The following SLC13A3 variants were observed in gnomAD, a reference collection of about 807,000 sequenced individuals.
The protein encoded by SLC13A3 is solute carrier family 13 member 3, also known as Na(+)/dicarboxylate cotransporter 3.
SLC13A3 carries 40 observed loss-of-function variants against 59.0 expected under a neutral mutation model. The observed-to-expected ratio is 0.68, with a 90% confidence interval of 0.53 to 0.88. The LOEUF is 0.88. Among genes scored for constraint, SLC13A3 ranks in the 40% least tolerant of loss-of-function variants. The pLI, the probability that SLC13A3 is intolerant of heterozygous loss-of-function variation, is 0.00. For missense variants in SLC13A3, 699 were observed against 783.2 expected, an observed-to-expected ratio of 0.89 and a Z score of 1.28; for synonymous variants, 317 against 330.3, an observed-to-expected ratio of 0.96 and a Z score of 0.44.
intron 1 of SLC13A3, among the ~76,000 whole-genome samples, chr20:46,644,292 G>A (rs1052030964): frequency 8.5e-5 from 13 of 152,138 alleles, no homozygotes; most frequent in Non-Finnish European, 1.8e-4. Flanking sequence ...ACTCCAGTAA[G>A]TGCCTCAAAC....
At chr20:46,664,394 G>A (rs944063210) in intron 1 of SLC13A3, among the ~76,000 whole-genome samples, 1 of 152,132 alleles carries the variant, frequency 6.6e-6, no homozygotes, top group Non-Finnish European at 1.5e-5. Flanking sequence ...CCTTGTCAAT[G>A]TTTACTTAAC....
intron 1 of SLC13A3, among the ~76,000 whole-genome samples, chr20:46,632,717 T>C (rs1334214278): frequency 2.0e-5 from 3 of 152,090 alleles, no homozygotes; most frequent in East Asian, 1.9e-4. Context: ...TTCAACCTCA[T>C]AGAGTTATTG....
chr20:46,634,236 G>A (rs139331458), intron 1 of SLC13A3, among the ~76,000 whole-genome samples: 1 of 152,300 alleles, frequency 6.6e-6, no homozygotes, highest in Non-Finnish European at 1.5e-5. Context: ...TATCCTCTCT[G>A]GGGGGCTAAT....
At position 46,569,510 on chromosome 20, in the gene SLC13A3, T is replaced by TGAGAG. The variant is rs200530337; in HGVS notation, c.1333-3121_1333-3120insCTCTC. 1.6e-3 allele frequency among the ~76,000 whole-genome samples: 249 copies of TGAGAG among 152,312 alleles called. No homozygotes were observed. In the East Asian group the frequency reaches 0.044, roughly 27 times the overall value. On this transcript the variant is annotated intron_variant, in intron 10 of 12. Coordinates refer to ENST00000279027, the MANE Select transcript of SLC13A3 (RefSeq NM_022829.6). ...CTAGGCAAGTCACTTAACCTCTCTGTGCTAAAATTTCCTTATCTGTAAACG... is the reference window on the plus strand; with the variant it reads ...CTAGGCAAGTCACTTAACCTCTCTGTGAGAGGCTAAAATTTCCTTATCTGTAAACG...
chr20:46,608,228 G>A (rs990574866), intron 3 of SLC13A3, among the ~76,000 whole-genome samples: 1 of 152,144 alleles, frequency 6.6e-6, no homozygotes, highest in African/African-American at 2.4e-5. Flanking sequence ...ATTTTCAAAT[G>A]GTTGAAAAAC....
chr20:46,568,572 G>C (rs750815155), intron 10 of SLC13A3, among the ~76,000 whole-genome samples: 1 of 152,272 alleles, frequency 6.6e-6, no homozygotes, highest in South Asian at 2.1e-4. Context: ...AGGTGTTTCT[G>C]GTACACCTGC....
At chr20:46,680,256 T>C (rs1486500669) in intron 1 of SLC13A3, among the ~76,000 whole-genome samples, 1 of 152,212 alleles carries the variant, frequency 6.6e-6, no homozygotes, top group African/African-American at 2.4e-5. Context: ...GCGTCTTGTC[T>C]ACCCTTAGCT....
chr20:46,617,917 C>G (rs2062577450), intron 1 of SLC13A3, among the ~76,000 whole-genome samples: 1 of 152,144 alleles, frequency 6.6e-6, no homozygotes. Context: ...CCCCATGTAT[C>G]CTGTTCTGTG....
intron 1 of SLC13A3, among the ~76,000 whole-genome samples, chr20:46,662,062 G>A (rs2063033986): frequency 6.6e-6 from 1 of 152,066 alleles, no homozygotes; most frequent in African/African-American, 2.4e-5. Context: ...AAATTTAGCT[G>A]GTTTCTTCCT....
chr20:46,569,268 G>C (rs2062009359), intron 10 of SLC13A3, among the ~76,000 whole-genome samples: 1 of 152,086 alleles, frequency 6.6e-6, no homozygotes, highest in African/African-American at 2.4e-5. Context: ...TGGGATTACA[G>C]ACATGAGCCA....
intron 7 of SLC13A3, 89 bp downstream of exon 7, chr20:46,589,071 G>GC (rs1310316607): frequency 8.9e-7 from 1 of 1,127,620 alleles, no homozygotes; most frequent in Non-Finnish European, 1.3e-6. Flanking sequence ...CTGGAGCTCA[G>GC]CCCCCATGGG....
In SLC13A3 at chr20:46,558,966, G is replaced by A. The variant is rs1019582838; in HGVS notation, c.*1056C>T. 9 of 151,912 alleles carry A rather than the reference G, an allele frequency of 5.9e-5. 1 individual carries two copies. In the East Asian group the frequency reaches 1.2e-3, roughly 20 times the overall value. 9.4% of individuals were successfully genotyped at this position (151,912 alleles called of 1,614,324 possible). On this transcript the variant is annotated 3_prime_UTR_variant, in exon 13 of 13. Coordinates refer to ENST00000279027, the MANE Select transcript of SLC13A3 (RefSeq NM_022829.6). ...CTTCCAGCCTCGGGCTCACGGGGAC[G>A]TCTCAGTTTTACCCATATGCAGAAG...
At chr20:46,674,962 T>C (rs2063115913), upstream of SLC13A3, among the ~76,000 whole-genome samples, 1 of 152,002 alleles carries the variant, frequency 6.6e-6, no homozygotes, top group South Asian at 2.1e-4. Context: ...CTGTGGGGGC[T>C]TCCCAGACAA....
chr20:46,650,261 CA>C (rs751681963), intron 1 of SLC13A3, among the ~76,000 whole-genome samples: 2 of 152,112 alleles, frequency 1.3e-5, no homozygotes, highest in Non-Finnish European at 2.9e-5. Context: ...AGACTGAAAA[CA>C]GCTAGGGTTC....
intron 1 of SLC13A3, among the ~76,000 whole-genome samples, chr20:46,634,668 A>C (rs896778753): frequency 6.6e-6 from 1 of 152,074 alleles, no homozygotes; most frequent in Non-Finnish European, 1.5e-5. Context: ...GGCCTCACTA[A>C]TCATTCACGA....
chr20:46,596,369 T>C lies in SLC13A3; in HGVS notation c.609-27A>G, dbSNP rs767858710. 2.5e-6 allele frequency: 4 copies of C among 1,607,724 alleles called. No homozygotes were observed. The African/African-American group carries it at 4.0e-5, about 16-fold the overall frequency. The stretch of plus-strand genomic sequence containing the variant: ...TTTAAACAAATCCAAAGAGAAGCCA[T>C]TCAGAATACATGGAGAACAGGCCAC... On this transcript the variant is annotated intron_variant, in intron 4 of 12. Coordinates refer to ENST00000279027, the MANE Select transcript of SLC13A3 (RefSeq NM_022829.6).
upstream of SLC13A3, among the ~76,000 whole-genome samples, chr20:46,674,600 CGCGCGTGT>C (rs899850724): frequency 1.7e-4 from 8 of 48,450 alleles, no homozygotes; most frequent in African/African-American, 4.7e-4. Flanking sequence ...CGCGCGCGCG[CGCGCGTGT>C]GTGTGTGTGT....
upstream of SLC13A3, among the ~76,000 whole-genome samples, chr20:46,674,142 G>A (rs887123624): frequency 1.3e-5 from 2 of 152,100 alleles, no homozygotes; most frequent in Admixed American, 6.5e-5. Flanking sequence ...AGGGACTTTC[G>A]GTTCCCCTCC....
At chr20:46,582,686 C>T in intron 9 of SLC13A3, 2 of 985,266 alleles carry the variant, frequency 2.0e-6, no homozygotes, top group Non-Finnish European at 2.4e-6. Context: ...ACACTATACT[C>T]CCCACACTCA....
Sources: gnomAD v4.1 joint callset for allele counts (sites outside exome capture counted in the v4.1 genomes callset) on GRCh38, gnomAD v4.1.1 for gene constraint, MANE v1.5 for transcripts, NCBI Gene and HGNC (gene_info 2026-07-23, HGNC 2026-07-21) for gene names.